Variants in HK1 observed in about 807,000 individuals in gnomAD.
The protein encoded by HK1 is hexokinase 1.
Under a neutral mutation model 91.6 loss-of-function variants are expected in HK1, and 28 were observed. The observed-to-expected ratio is 0.31, with a 90% CI of 0.23 to 0.42. The LOEUF (loss-of-function observed/expected upper bound fraction) is 0.42, where lower values mean the gene tolerates loss of function less well. HK1 is among the 10% of genes least tolerant of loss of function. The pLI is 1.00. For missense variants in HK1, 770 were observed against 1,219.8 expected (o/e 0.63, Z 5.49); for synonymous variants, 430 against 468.1 (o/e 0.92, Z 1.05).
At chr10:69,364,391 G>A (rs908231044) in intron 3 of HK1, among the ~76,000 whole-genome samples, 10 of 152,238 alleles carry the variant, frequency 6.6e-5, no homozygotes, top group Non-Finnish European at 1.0e-4. Flanking sequence ...GCGTGGCGTC[G>A]GGCGGGGCGG....
intron 2 of HK1, among the ~76,000 whole-genome samples, chr10:69,285,297 G>A (rs996631856): frequency 6.6e-6 from 1 of 152,092 alleles, no homozygotes; most frequent in South Asian, 2.1e-4. Flanking sequence ...GGTGGCGGGC[G>A]CCTGTAGTCC....
upstream of HK1, among the ~76,000 whole-genome samples, chr10:69,318,663 C>G (rs1448258571): frequency 6.6e-6 from 1 of 152,108 alleles, no homozygotes; most frequent in Non-Finnish European, 1.5e-5. Context: ...GCGGCCGCCG[C>G]GTCCCCGCTC....
rs1408043645 is a variant in HK1 at position 69,385,927 on chromosome 10, A to G, written c.1840-396A>G. On this transcript the variant is annotated intron_variant, in intron 12 of 17. Transcript: ENST00000359426. ...GCTAAAATGTACTTTAGGTAGACAC[A>G]GTATTACTAAACTCTTAGGATCCTT... Among the ~76,000 whole-genome samples, 4 of 152,336 alleles carry G rather than the reference A, an allele frequency of 2.6e-5. No homozygotes were observed. The East Asian group carries it at 7.7e-4, about 29-fold the overall frequency.
At chr10:69,328,529 C>G (rs1209252492) in intron 1 of HK1, among the ~76,000 whole-genome samples, 1 of 152,198 alleles carries the variant, frequency 6.6e-6, no homozygotes. Flanking sequence ...CCACAACGCC[C>G]TTGTGAGGTG....
intron 2 of HK1, among the ~76,000 whole-genome samples, chr10:69,356,839 A>G (rs1171665854): frequency 7.0e-6 from 1 of 143,296 alleles, no homozygotes; most frequent in African/African-American, 2.7e-5. Context: ...GTCGAGATTG[A>G]GCCACTGCCC....
At chr10:69,336,436 C>A (rs1847990405) in intron 1 of HK1, among the ~76,000 whole-genome samples, 1 of 151,886 alleles carries the variant, frequency 6.6e-6, no homozygotes, top group African/African-American at 2.4e-5. Flanking sequence ...GGTGATCCAC[C>A]AGCCTCGGCC....
intron 4 of HK1, among the ~76,000 whole-genome samples, chr10:69,295,907 T>A (rs1845541283): frequency 1.3e-5 from 2 of 152,152 alleles, no homozygotes; most frequent in Non-Finnish European, 2.9e-5. Flanking sequence ...GCCCCCTTCT[T>A]AGCCCTTTCT....
At chr10:69,377,410 C>G (rs979119959) in intron 8 of HK1, among the ~76,000 whole-genome samples, 6 of 150,990 alleles carry the variant, frequency 4.0e-5, no homozygotes, top group African/African-American at 9.7e-5. Flanking sequence ...AGATTAGCGT[C>G]CAGGAAGCAG....
At position 69,380,851 on chromosome 10, in the gene HK1, TAA is replaced by T. The variant is rs1256313493; in HGVS notation, c.1265+757_1265+758del. On this transcript the variant is annotated intron_variant, in intron 9 of 17. Coordinates refer to ENST00000359426, the MANE Select transcript of HK1 (RefSeq NM_000188.3). This position sits in a 1 kb window ranked among gnomAD's most constrained non-coding sequence, Gnocchi z 4.0. ...AGGGAAATTCTAAGTCATTATTTAA[TAA>T]GTTTTAATGCTAGCCTGTGACATGA... is the stretch of plus-strand genomic sequence containing the variant. 1.3e-5 allele frequency among the ~76,000 whole-genome samples: 2 copies of T among 152,338 alleles called. No homozygotes were observed. The highest frequency in any genetic ancestry group is 2.9e-5 in the Non-Finnish European group (2 of 68,020).
At chr10:69,334,784 C>T (rs1244446324) in intron 1 of HK1, among the ~76,000 whole-genome samples, 2 of 152,154 alleles carry the variant, frequency 1.3e-5, no homozygotes, top group African/African-American at 2.4e-5. Flanking sequence ...GTCCCTGCAA[C>T]GCCCAGGAAA....
chr10:69,349,515 AGC>A (rs1445723230), intron 2 of HK1, among the ~76,000 whole-genome samples: 8 of 152,246 alleles, frequency 5.3e-5, no homozygotes, highest in Non-Finnish European at 1.2e-4. Flanking sequence ...TGAATGTGTA[AGC>A]CGAGCCCCTG....
At chr10:69,306,969 T>C (rs1589459133) in intron 5 of HK1, among the ~76,000 whole-genome samples, 1 of 152,092 alleles carries the variant, frequency 6.6e-6, no homozygotes, top group East Asian at 1.9e-4. Context: ...GCAGGGCAGA[T>C]TAGGTGTTTC....
chr10:69,394,454 G>A (rs954465675), intron 15 of HK1, among the ~76,000 whole-genome samples: 7 of 152,282 alleles, frequency 4.6e-5, no homozygotes, highest in African/African-American at 1.7e-4. Context: ...ACTTTCCTGA[G>A]GGCCCAGTGC....
At chr10:69,374,717 G>T (rs1353074893) in intron 7 of HK1, among the ~76,000 whole-genome samples, 2 of 152,246 alleles carry the variant, frequency 1.3e-5, no homozygotes, top group Non-Finnish European at 2.9e-5. Flanking sequence ...GGAAAAGGGG[G>T]TATCACTATC....
Position 69,369,635 on chromosome 10 carries a change from G to T in HK1, c.875+11G>T. The stretch of plus-strand genomic sequence containing the variant: ...CCCTGGAAAACAGCTGTGAGTCCTT[G>T]ACTTTTGCTTCTAACCACATATGTG... On this transcript the variant is annotated intron_variant, in intron 7 of 17. Coordinates refer to ENST00000359426, the MANE Select transcript of HK1 (RefSeq NM_000188.3). The surrounding 1 kb of genome is among the most constrained non-coding windows in gnomAD (Gnocchi z 4.4). The T allele has an allele frequency of 6.2e-7, 1 of 1,612,238 alleles. No homozygotes were observed. Among genetic ancestry groups the T allele is most frequent in the South Asian group, 1.1e-5 (1 of 90,882 alleles).
Position 69,383,798 on chromosome 10 carries a change from C to T in HK1, c.1571-535C>T, listed in dbSNP as rs997036373. ...GTTCAAGTGGTGGCAGCAAGGGCTG[C>T]GAGGGAGAGGGGAAGACTTCAAAGC... is the stretch of plus-strand genomic sequence containing the variant. On this transcript the variant is annotated intron_variant, in intron 10 of 17. Transcript: ENST00000359426. Among the ~76,000 whole-genome samples the T allele has an allele frequency of 3.3e-5, 5 of 152,194 alleles. No individual in the cohort carries two copies. In the East Asian group the frequency reaches 7.7e-4, roughly 23 times the overall value.
At chr10:69,346,319 G>A (rs999629306) in intron 2 of HK1, among the ~76,000 whole-genome samples, 31 of 152,342 alleles carry the variant, frequency 2.0e-4, no homozygotes, top group Admixed American at 1.6e-3. Context: ...CAATGCCTAA[G>A]TGGTGATGTG....
chr10:69,289,492 G>C (rs1845192412), intron 3 of HK1, among the ~76,000 whole-genome samples: 1 of 76,508 alleles, frequency 1.3e-5, no homozygotes, highest in African/African-American at 5.2e-5. Flanking sequence ...TTTTTTTTGA[G>C]ATAGAGTCTC....
At chr10:69,281,788 TTG>T (rs1844765382) in intron 1 of HK1, among the ~76,000 whole-genome samples, 1 of 152,050 alleles carries the variant, frequency 6.6e-6, no homozygotes, top group Non-Finnish European at 1.5e-5. Flanking sequence ...ACAACAGATT[TTG>T]TCCCCAAAGA....
Sources: allele counts gnomAD v4.1 joint callset (sites outside exome capture counted in the v4.1 genomes callset), GRCh38; gene constraint gnomAD v4.1.1; non-coding constraint Gnocchi (gnomAD v3.1); transcripts MANE v1.5; gene names NCBI Gene and HGNC (gene_info 2026-07-23, HGNC 2026-07-21).